SHISA9: variants seen among roughly 807,000 people sequenced by gnomAD.
SHISA9 encodes shisa family member 9.
A neutral mutation model predicts 38.0 loss-of-function variants in SHISA9; 13 were observed. The observed-to-expected ratio is 0.34, with a 90% confidence interval of 0.22 to 0.54. SHISA9 has a LOEUF of 0.54. Ranked by LOEUF, SHISA9 falls within the 20% of genes least tolerant of loss-of-function variation. The pLI is 0.91. For missense variants in SHISA9, 538 were observed against 575.8 expected (o/e 0.93, Z 0.67); for synonymous variants, 275 against 242.0 (o/e 1.14, Z -1.27).
At chr16:13,196,270 G>A (rs1339632597) in intron 2 of SHISA9, among the ~76,000 whole-genome samples, 2 of 150,392 alleles carry the variant, frequency 1.3e-5, no homozygotes, top group African/African-American at 2.4e-5. Context: ...GGTGGCGCGT[G>A]CCTGTAGTTC....
At chr16:13,543,518 A>G in the SHISA9 span, among the ~76,000 whole-genome samples, 1 of 152,364 alleles carries the variant, frequency 6.6e-6, no homozygotes, top group African/African-American at 2.4e-5. Context: ...GACGGCCAGC[A>G]TAAAACTGGG....
chr16:13,547,035 A>G, the SHISA9 span, among the ~76,000 whole-genome samples: 32 of 152,166 alleles, frequency 2.1e-4, no homozygotes, highest in African/African-American at 7.5e-4. Context: ...ACTCTTAACC[A>G]CTGATATCTT....
At chr16:13,125,719 CA>C (rs759786607) in intron 2 of SHISA9, among the ~76,000 whole-genome samples, 3 of 152,142 alleles carry the variant, frequency 2.0e-5, no homozygotes, top group Non-Finnish European at 4.4e-5. Flanking sequence ...TGTTTGTCTC[CA>C]AACTTGATAC....
At chr16:13,168,412 C>G (rs1316629303) in intron 2 of SHISA9, among the ~76,000 whole-genome samples, 1 of 152,200 alleles carries the variant, frequency 6.6e-6, no homozygotes, top group South Asian at 2.1e-4. Flanking sequence ...CCAACATTAC[C>G]ATATCAGTCA....
chr16:13,228,674 C>T (rs2051302492), intron 4 of SHISA9, among the ~76,000 whole-genome samples: 1 of 152,058 alleles, frequency 6.6e-6, no homozygotes, highest in Non-Finnish European at 1.5e-5. Flanking sequence ...CCTATATTCT[C>T]TATGTTCTCA....
chr16:13,327,600 G>C, the SHISA9 span, among the ~76,000 whole-genome samples: 1 of 152,084 alleles, frequency 6.6e-6, no homozygotes, highest in Middle Eastern at 3.4e-3. Flanking sequence ...TGGGTGACAG[G>C]GCAAGACTCT....
the SHISA9 span, among the ~76,000 whole-genome samples, chr16:13,267,446 G>C: frequency 6.6e-6 from 1 of 152,208 alleles, no homozygotes; most frequent in Non-Finnish European, 1.5e-5. Context: ...GCTGGAGGTA[G>C]TGTGAGTTTG....
chr16:12,962,941 C>T (rs2141795630), intron 2 of SHISA9, among the ~76,000 whole-genome samples: 2 of 152,292 alleles, frequency 1.3e-5, no homozygotes, highest in East Asian at 3.9e-4. Flanking sequence ...CAGTACCCTC[C>T]TTCCACTGGG....
intron 2 of SHISA9, among the ~76,000 whole-genome samples, chr16:13,033,509 C>G (rs1319417979): frequency 6.6e-6 from 1 of 152,112 alleles, no homozygotes; most frequent in East Asian, 1.9e-4. Flanking sequence ...TAGTAGCTGC[C>G]AAGTCCAAAC....
chr16:12,980,599 AC>A (rs1264715669), intron 2 of SHISA9, among the ~76,000 whole-genome samples: 2 of 151,284 alleles, frequency 1.3e-5, no homozygotes, highest in Non-Finnish European at 1.5e-5. Flanking sequence ...CTCTTTTGGA[AC>A]TTTTTTAAAA....
At chr16:12,926,137 C>G (rs569718547) in intron 2 of SHISA9, among the ~76,000 whole-genome samples, 1 of 152,326 alleles carries the variant, frequency 6.6e-6, no homozygotes, top group South Asian at 2.1e-4. Context: ...TGCCCAAGGT[C>G]ACAGAGATAT....
At chr16:12,932,281 G>T (rs1270449784) in intron 2 of SHISA9, among the ~76,000 whole-genome samples, 1 of 152,154 alleles carries the variant, frequency 6.6e-6, no homozygotes. Flanking sequence ...CTGTATGATA[G>T]GTGTTTCAAA....
At chr16:13,198,314 ATATGCATACATATATACTTG>A in intron 2 of SHISA9, among the ~76,000 whole-genome samples, 1 of 146,740 alleles carries the variant, frequency 6.8e-6, no homozygotes, top group Non-Finnish European at 1.5e-5. Context: ...ACTTGTGTGT[ATATGCATACATATATACTTG>A]TGTGTATATG....
chr16:13,287,903 G>A, the SHISA9 span, among the ~76,000 whole-genome samples: 8 of 152,112 alleles, frequency 5.3e-5, no homozygotes, highest in Non-Finnish European at 7.4e-5. Flanking sequence ...GAGAGTAAGG[G>A]AGAAGGATGC....
intron 2 of SHISA9, among the ~76,000 whole-genome samples, chr16:13,019,063 G>A (rs561404268): frequency 1.3e-4 from 20 of 152,170 alleles, no homozygotes; most frequent in African/African-American, 3.4e-4. Flanking sequence ...GCCGTGGCAC[G>A]ATCTTGGATG....
At chr16:13,025,023 T>A (rs1389055611) in intron 2 of SHISA9, among the ~76,000 whole-genome samples, 2 of 152,202 alleles carry the variant, frequency 1.3e-5, no homozygotes, top group Non-Finnish European at 1.5e-5. Context: ...GATACCAACA[T>A]GTTAAGAGGG....
intron 2 of SHISA9, among the ~76,000 whole-genome samples, chr16:13,023,158 A>G (rs2072877873): frequency 6.6e-6 from 1 of 152,138 alleles, no homozygotes; most frequent in Admixed American, 6.5e-5. Flanking sequence ...TCCTAATGCT[A>G]TCCCTCCCCA....
At chr16:13,242,643 G>A (rs1030425713), downstream of SHISA9, among the ~76,000 whole-genome samples, 2 of 152,146 alleles carry the variant, frequency 1.3e-5, no homozygotes, top group East Asian at 3.9e-4. Flanking sequence ...AATTTGCCAC[G>A]TGCCTTGAAA....
At chr16:13,091,805 A>G (rs1322245148) in intron 2 of SHISA9, among the ~76,000 whole-genome samples, 1 of 152,212 alleles carries the variant, frequency 6.6e-6, no homozygotes, top group African/African-American at 2.4e-5. Flanking sequence ...ACTTCTGTCA[A>G]CTTGTCAAAG....
Sources: gnomAD v4.1 joint callset for allele counts (sites outside exome capture counted in the v4.1 genomes callset) on GRCh38, gnomAD v4.1.1 for gene constraint, MANE v1.5 for transcripts, NCBI Gene and HGNC (gene_info 2026-07-23, HGNC 2026-07-21) for gene names.